Variants in LEMD1 observed in about 807,000 individuals in gnomAD.
LEMD1 encodes LEM domain-containing protein 1.
LEMD1 carries 18 observed loss-of-function variants against 17.4 expected under a neutral mutation model. The ratio of observed to expected loss-of-function variants is 1.04; its 90% confidence interval spans 0.72 to 1.54. The LOEUF (loss-of-function observed/expected upper bound fraction) is 1.54, where lower values mean the gene tolerates loss of function less well. Among genes scored for constraint, LEMD1 ranks in the 40% most tolerant of loss-of-function variants. LEMD1 has a pLI of 0.00. For missense variants in LEMD1, 195 were observed against 210.4 expected (o/e 0.93, Z 0.45); for synonymous variants, 88 against 77.8 (o/e 1.13, Z -0.69).
intron 4 of LEMD1, among the ~76,000 whole-genome samples, chr1:205,412,677 T>C (rs753895704): frequency 6.6e-6 from 1 of 152,228 alleles, no homozygotes; most frequent in African/African-American, 2.4e-5. Flanking sequence ...TACATTTCCT[T>C]TCAGATTTAA....
intron 1 of LEMD1, among the ~76,000 whole-genome samples, chr1:205,447,760 C>CA (rs1666425794): frequency 7.3e-5 from 6 of 82,018 alleles, no homozygotes; most frequent in Admixed American, 2.6e-4. Flanking sequence ...CCCGGGGGAG[C>CA]GCCTGCCTTC....
At chr1:205,402,758 AG>A (rs1664911113) in intron 4 of LEMD1, among the ~76,000 whole-genome samples, 5 of 150,588 alleles carry the variant, frequency 3.3e-5, no homozygotes, top group African/African-American at 1.2e-4. Flanking sequence ...GTGGTGAGAG[AG>A]GGCATCCCTG....
At position 205,420,498 on chromosome 1, in the gene LEMD1, C is replaced by A; in HGVS notation, c.39G>T (p.Gln13His). Reference sequence around the variant, plus strand: ...AAAATCCAAGCTTCTCAAGTTGGTTCTGCAATTTACAGTCACTCAGACACT... The same window carrying A: ...AAAATCCAAGCTTCTCAAGTTGGTTATGCAATTTACAGTCACTCAGACACT... Reference protein sequence around the residue: ...DVKCLSDCKLQNQLEKLGFSP... With the variant: ...DVKCLSDCKLHNQLEKLGFSP... Residue 13 changes from glutamine to histidine, a missense_variant, in exon 2 of 6, where the codon CAG (glutamine) becomes CAT (histidine). Physicochemically the swap from Gln to His is conservative, Grantham distance 24. Coordinates refer to ENST00000367153, the MANE Select transcript of LEMD1 (RefSeq NM_001199050.2). 1 of 1,614,118 alleles carries A rather than the reference C, an allele frequency of 6.2e-7. No homozygotes were observed. The highest frequency in any genetic ancestry group is 1.1e-5 in the South Asian group (1 of 91,086).
intron 1 of LEMD1, among the ~76,000 whole-genome samples, chr1:205,445,956 G>A (rs1391000689): frequency 6.6e-6 from 1 of 152,176 alleles, no homozygotes; most frequent in Non-Finnish European, 1.5e-5. Flanking sequence ...TACAATAAGA[G>A]AGAGTCATCT....
intron 4 of LEMD1, among the ~76,000 whole-genome samples, chr1:205,407,943 G>A (rs1665198784): frequency 6.6e-6 from 1 of 152,140 alleles, no homozygotes. Flanking sequence ...AGTGTTTTGT[G>A]GGTAGAGATA....
chr1:205,382,759 T>G (rs1304635265), intron 5 of LEMD1, among the ~76,000 whole-genome samples: 1 of 152,218 alleles, frequency 6.6e-6, no homozygotes, highest in Non-Finnish European at 1.5e-5. Flanking sequence ...GCCTCAGTAC[T>G]CAGGCCCCCT....
At chr1:205,412,877 C>T (rs1175545682) in intron 4 of LEMD1, among the ~76,000 whole-genome samples, 1 of 152,180 alleles carries the variant, frequency 6.6e-6, no homozygotes, top group African/African-American at 2.4e-5. Flanking sequence ...GATGCATTTG[C>T]CATACTCAGG....
At chr1:205,385,856 C>CAG (rs1362986995) in intron 4 of LEMD1, 1 of 152,286 alleles carries the variant, frequency 6.6e-6, no homozygotes, top group Non-Finnish European at 1.5e-5. Flanking sequence ...AGGCTGCAGA[C>CAG]AGTGAGTCAG....
chr1:205,394,404 G>C (rs1463984340), intron 4 of LEMD1, among the ~76,000 whole-genome samples: 1 of 151,298 alleles, frequency 6.6e-6, no homozygotes, highest in Non-Finnish European at 1.5e-5. Flanking sequence ...AATTTTTTGA[G>C]ATGGAGTTTC....
At chr1:205,393,288 A>G (rs1664426849) in intron 4 of LEMD1, among the ~76,000 whole-genome samples, 1 of 152,086 alleles carries the variant, frequency 6.6e-6, no homozygotes, top group African/African-American at 2.4e-5. Context: ...TGATATAATG[A>G]TGTCATAAGA....
chr1:205,448,877 G>A lies in LEMD1; in HGVS notation c.-39+991C>T, dbSNP rs1465282712. Among the ~76,000 whole-genome samples the A allele has an allele frequency of 6.6e-6, 1 of 152,144 alleles. No homozygotes were observed. Among genetic ancestry groups the A allele is most frequent in the Non-Finnish European group, 1.5e-5 (1 of 68,014 alleles). On this transcript the variant is annotated intron_variant, in intron 1 of 3. Transcript: ENST00000367154. The surrounding 1 kb of genome is among the most constrained non-coding windows in gnomAD (Gnocchi z 4.7). ...AGGGCAAAGGAGGGTCTGGGTAAAG[G>A]AGGGCAGCGATGAGGACCTACCCTT...
chr1:205,430,866 C>T (rs1288870798), intron 1 of LEMD1, among the ~76,000 whole-genome samples: 1 of 152,244 alleles, frequency 6.6e-6, no homozygotes, highest in Non-Finnish European at 1.5e-5. Flanking sequence ...TTAAAAATAA[C>T]TATTTTGACA....
intron 1 of LEMD1, among the ~76,000 whole-genome samples, chr1:205,434,677 T>A (rs75543622): frequency 6.6e-6 from 1 of 152,144 alleles, no homozygotes; most frequent in Non-Finnish European, 1.5e-5. Context: ...CCAGGAGACC[T>A]GGGGTGTCTC....
chr1:205,407,638 C>T (rs973200108), intron 4 of LEMD1, among the ~76,000 whole-genome samples: 6 of 152,208 alleles, frequency 3.9e-5, no homozygotes, highest in African/African-American at 1.4e-4. Context: ...TTAAAATACA[C>T]TGGTAAGGAA....
intron 4 of LEMD1, among the ~76,000 whole-genome samples, chr1:205,399,030 C>A (rs1428397326): frequency 1.3e-5 from 2 of 152,102 alleles, no homozygotes; most frequent in Non-Finnish European, 2.9e-5. Flanking sequence ...GCCTGGCCAA[C>A]ATGGTGAAAC....
intron 4 of LEMD1, among the ~76,000 whole-genome samples, chr1:205,409,752 T>A (rs1300631298): frequency 6.6e-6 from 1 of 150,684 alleles, no homozygotes; most frequent in East Asian, 2.0e-4. Flanking sequence ...CAAGCATGCG[T>A]GCCACTATGC....
At position 205,448,225 on chromosome 1, in the gene LEMD1, A is replaced by G; in HGVS notation, c.-39+1643T>C. ...CAGATCCCGTGATGCCCCACCCCCA[A>G]GCAAAGCCTCCTTCTGGTGCCCCTT... On this transcript the variant is annotated intron_variant, in intron 1 of 3. Coordinates refer to the LEMD1 transcript ENST00000367154. The surrounding 1 kb of genome is among the most constrained non-coding windows in gnomAD (Gnocchi z 4.7). The G allele has an allele frequency of 2.1e-6, 1 of 479,446 alleles. No homozygotes were observed. Among genetic ancestry groups the G allele is most frequent in the Non-Finnish European group, 4.4e-6 (1 of 227,780 alleles). The allele number at this position is 479,446 out of a possible 1,614,324, so 29.7% of individuals were successfully genotyped here. A position where few individuals can be genotyped will look rare whatever the true frequency, so the allele number is the denominator to read the frequency against.
chr1:205,381,677 T>C lies in LEMD1; in HGVS notation c.527A>G (p.Asn176Ser). 6.2e-7 allele frequency: 1 copy of C among 1,614,212 alleles called. No homozygotes were observed. The highest frequency in any genetic ancestry group is 8.5e-7 in the Non-Finnish European group (1 of 1,180,026). The change falls in exon 6 of 6, where the codon AAT becomes AGT. Residue 176 changes from asparagine to serine, a missense_variant. Coordinates refer to ENST00000367153, the MANE Select transcript of LEMD1 (RefSeq NM_001199050.2). ...IVVFVYLTVE[N>S]KSLFG ...AATTACTTAACCAAACAGCGACTTA[T>C]TTTCCACAGTCAGGTAGACAAACAC...
At chr1:205,400,760 A>C (rs1403726161) in intron 4 of LEMD1, among the ~76,000 whole-genome samples, 2 of 151,830 alleles carry the variant, frequency 1.3e-5, no homozygotes, top group Non-Finnish European at 2.9e-5. Flanking sequence ...CAGGTTAGTT[A>C]CATATGTATA....
Sources: gnomAD v4.1 joint callset for allele counts (sites outside exome capture counted in the v4.1 genomes callset) on GRCh38, gnomAD v4.1.1 for gene constraint, Gnocchi (gnomAD v3.1) non-coding constraint, MANE v1.5 for transcripts, NCBI Gene and HGNC (gene_info 2026-07-23, HGNC 2026-07-21) for gene names.